The following LHFPL4 variants were observed in gnomAD, a reference collection of about 807,000 sequenced individuals.
LHFPL4 encodes LHFPL tetraspan subfamily member 4 protein.
In LHFPL4, 6 loss-of-function variants were observed where a neutral mutation model predicts 20.0. The observed-to-expected ratio is 0.30, with a 90% CI of 0.16 to 0.59. The LOEUF is 0.59. Among genes scored for constraint, LHFPL4 ranks in the 20% least tolerant of loss-of-function variants. The pLI is 0.88. For synonymous variants in LHFPL4, 129 were observed against 143.8 expected (o/e 0.90, Z 0.74); for missense variants, 215 against 331.2 (o/e 0.65, Z 2.72).
rs1206283385 is a variant in LHFPL4, at chr3:9,506,230, A to G, written c.407-27T>C. On this transcript the variant is annotated intron_variant, in intron 2 of 3. Coordinates refer to ENST00000287585, the MANE Select transcript of LHFPL4 (RefSeq NM_198560.3). This position sits in a 1 kb window ranked among gnomAD's most constrained non-coding sequence, Gnocchi z 4.5. ...TGAGGGGCAGAGCACCGGGCCCACC[A>G]CCACGGTCAGGAAGGAAGAGAAAAG... 2.6e-6 allele frequency: 4 copies of G among 1,567,306 alleles called. No homozygotes were observed. The highest frequency in any genetic ancestry group is 1.1e-5 in the South Asian group (1 of 90,160).
chr3:9,508,833 C>T (rs1256123502), intron 2 of LHFPL4, among the ~76,000 whole-genome samples: 3 of 152,210 alleles, frequency 2.0e-5, no homozygotes, highest in Non-Finnish European at 4.4e-5. Flanking sequence ...CCCCAGAGCC[C>T]TTTCCCAGGC....
At chr3:9,521,757 T>C (rs1401416244) in intron 2 of LHFPL4, among the ~76,000 whole-genome samples, 1 of 152,088 alleles carries the variant, frequency 6.6e-6, no homozygotes, top group Non-Finnish European at 1.5e-5. Flanking sequence ...ATTCATTTAC[T>C]TTTAATCAAT....
At chr3:9,524,416 T>A (rs1237122959) in intron 2 of LHFPL4, among the ~76,000 whole-genome samples, 1 of 152,204 alleles carries the variant, frequency 6.6e-6, no homozygotes, top group Non-Finnish European at 1.5e-5. Context: ...AGTTCTTGGA[T>A]ATTCAAGTTT....
rs898425448 is a variant in LHFPL4, at chr3:9,547,597, G to A, written c.406+4677C>T. ...CAACAGATGAGGATTAAATGACAAC[G>A]AGTGTGAAAACGTCTAGCATAGAAG... is the stretch of plus-strand genomic sequence containing the variant. On this transcript the variant is annotated intron_variant, in intron 2 of 3. Coordinates refer to ENST00000287585, the MANE Select transcript of LHFPL4 (RefSeq NM_198560.3). Among the ~76,000 whole-genome samples the A allele has an allele frequency of 3.9e-5, 6 of 152,296 alleles. No individual in the cohort carries two copies. In the South Asian group the frequency reaches 6.2e-4, roughly 16 times the overall value.
chr3:9,530,589 C>A (rs546493998), intron 2 of LHFPL4, among the ~76,000 whole-genome samples: 1 of 152,286 alleles, frequency 6.6e-6, no homozygotes, highest in South Asian at 2.1e-4. Flanking sequence ...AGGCTGTTTT[C>A]TTTCTCATCA....
chr3:9,523,288 G>A (rs113894049), intron 2 of LHFPL4, among the ~76,000 whole-genome samples: 22,950 of 150,414 alleles, frequency 0.15, 2,800 homozygotes, highest in East Asian at 0.4. Context: ...GGCTGAGGCA[G>A]GAGAATCGCT....
chr3:9,545,016 G>C (rs985553811), intron 2 of LHFPL4, among the ~76,000 whole-genome samples: 3 of 152,052 alleles, frequency 2.0e-5, no homozygotes, highest in African/African-American at 7.2e-5. Flanking sequence ...TGGGAGCAAG[G>C]ATTCTTACTC....
At chr3:9,532,285 T>A (rs761006818) in intron 2 of LHFPL4, among the ~76,000 whole-genome samples, 144 of 152,274 alleles carry the variant, frequency 9.5e-4, no homozygotes, top group Non-Finnish European at 1.7e-3. Flanking sequence ...CGCCTTGGCC[T>A]CACAAAGTGC....
At chr3:9,517,545 A>G (rs566955654) in intron 2 of LHFPL4, among the ~76,000 whole-genome samples, 147 of 151,956 alleles carry the variant, frequency 9.7e-4, no homozygotes, top group African/African-American at 3.4e-3. Flanking sequence ...TGTACCAAAA[A>G]TGAAAAAATT....
intron 3 of LHFPL4, 115 bp downstream of exon 3, chr3:9,505,852 C>G (rs1460264560): frequency 9.6e-7 from 1 of 1,039,898 alleles, no homozygotes; most frequent in Non-Finnish European, 1.4e-6. Flanking sequence ...AGCCACCACG[C>G]CCAGCCAGGG....
chr3:9,545,716 A>AAAAT (rs1160327367), intron 2 of LHFPL4, among the ~76,000 whole-genome samples: 15 of 152,108 alleles, frequency 9.9e-5, no homozygotes, highest in African/African-American at 3.1e-4. Flanking sequence ...ACTCCATCTC[A>AAAAT]AAATAAATAA....
chr3:9,505,719 C>A (rs529694435), intron 3 of LHFPL4, among the ~76,000 whole-genome samples: 1 of 152,282 alleles, frequency 6.6e-6, no homozygotes, highest in Admixed American at 6.5e-5. Context: ...CCACCGTGCC[C>A]AGCCCAGTTT....
In LHFPL4 at chr3:9,500,077, G is replaced by C. The variant is rs2625891; in HGVS notation, c.*2134C>G. 51,782 of 151,786 alleles carry C rather than the reference G, an allele frequency of 0.34. 9,346 individuals carry two copies. The highest frequency in any genetic ancestry group is 0.39 in the Non-Finnish European group (27,056 of 68,984). The allele number at this position is 151,786 out of a possible 1,614,324, so 9.4% of individuals were successfully genotyped here. On this transcript the variant is annotated 3_prime_UTR_variant, in exon 4 of 4. Coordinates refer to ENST00000287585, the MANE Select transcript of LHFPL4 (RefSeq NM_198560.3). ...CCTCGCGCTGTTTCTCTGTGCCTGT[G>C]CGTCCCCCTCGCTCCTTCTCCAATC...
rs75887447 is a variant in LHFPL4 at position 9,500,940 on chromosome 3, A to AAC, written c.*1269_*1270dup. 179 of 151,158 alleles carry AAC rather than the reference A, an allele frequency of 1.2e-3. 1 individual carries two copies. The highest frequency in any genetic ancestry group is 0.01 in the Middle Eastern group (3 of 294). 9.4% of individuals were successfully genotyped at this position (151,158 alleles called of 1,614,324 possible). A position where few individuals can be genotyped will look rare whatever the true frequency, so the allele number is the denominator to read the frequency against. On this transcript the variant is annotated 3_prime_UTR_variant, in exon 4 of 4. Coordinates refer to ENST00000287585, the MANE Select transcript of LHFPL4 (RefSeq NM_198560.3). ...GGGAGAAACTTCTCACCTGTCCCCC[A>AAC]ACACACACACACACACACACGCTCA...
intron 1 of LHFPL4, among the ~76,000 whole-genome samples, 159 bp downstream of exon 1, chr3:9,553,526 C>T (rs926614775): frequency 1.7e-5 from 2 of 119,298 alleles, no homozygotes; most frequent in Non-Finnish European, 3.4e-5. Flanking sequence ...CGGTGAGCAG[C>T]GGGGCCCGCG....
At chr3:9,527,809 A>C (rs1034301528) in intron 2 of LHFPL4, among the ~76,000 whole-genome samples, 1 of 143,174 alleles carries the variant, frequency 7.0e-6, no homozygotes, top group Non-Finnish European at 1.5e-5. Flanking sequence ...TTCAAATACA[A>C]ACACACACAC....
intron 2 of LHFPL4, among the ~76,000 whole-genome samples, chr3:9,511,274 C>A (rs2046258848): frequency 1.3e-5 from 2 of 151,700 alleles, no homozygotes; most frequent in South Asian, 4.2e-4. Flanking sequence ...TGGTGTGAAC[C>A]CAGGAGATGG....
intron 2 of LHFPL4, among the ~76,000 whole-genome samples, chr3:9,513,714 C>A (rs2046278337): frequency 6.6e-6 from 1 of 152,154 alleles, no homozygotes; most frequent in South Asian, 2.1e-4. Context: ...ATGTTGTATT[C>A]TTTTTGAATT....
chr3:9,502,876 G>A (rs1468677363), intron 3 of LHFPL4, among the ~76,000 whole-genome samples: 2 of 152,106 alleles, frequency 1.3e-5, no homozygotes, highest in Admixed American at 1.3e-4. Context: ...ATTCCGAAGG[G>A]TCAAAAAGAG....
Sources: allele counts gnomAD v4.1 joint callset (sites outside exome capture counted in the v4.1 genomes callset), GRCh38; gene constraint gnomAD v4.1.1; non-coding constraint Gnocchi (gnomAD v3.1); transcripts MANE v1.5; gene names NCBI Gene and HGNC (gene_info 2026-07-23, HGNC 2026-07-21).